RIMS2: variants seen among roughly 807,000 people sequenced by gnomAD.
RIMS2 encodes regulating synaptic membrane exocytosis 2.
In RIMS2, 59 loss-of-function variants were observed where a neutral mutation model predicts 174.4. The observed-to-expected ratio is 0.34, with a 90% confidence interval of 0.27 to 0.42. The LOEUF (loss-of-function observed/expected upper bound fraction) is 0.42. Ranked by LOEUF, RIMS2 falls within the 10% of genes least tolerant of loss-of-function variation. The probability of loss-of-function intolerance (pLI) is 1.00; values close to 1 mark genes in which losing one functional copy is unlikely to be tolerated. For missense variants in RIMS2, 1,620 were observed against 1,666.3 expected (o/e 0.97, Z 0.48); for synonymous variants, 606 against 572.5 (o/e 1.06, Z -0.84).
chr8:103,539,926 G>T (rs1410713921), intron 1 of RIMS2, among the ~76,000 whole-genome samples: 2 of 152,234 alleles, frequency 1.3e-5, no homozygotes, highest in African/African-American at 4.8e-5. Flanking sequence ...CTCTTGCTGT[G>T]CATGCCAATG....
intron 17 of RIMS2, chr8:103,998,048 C>A: frequency 1.7e-6 from 1 of 602,494 alleles, no homozygotes; most frequent in Non-Finnish European, 2.9e-6. Flanking sequence ...AGGGGGCAAG[C>A]TTTCCAATAA....
chr8:103,729,245 T>C (rs2097563191), intron 2 of RIMS2, among the ~76,000 whole-genome samples: 1 of 152,160 alleles, frequency 6.6e-6, no homozygotes, highest in Non-Finnish European at 1.5e-5. Flanking sequence ...ATGGCTTTGA[T>C]CTCATTACTT....
At chr8:103,841,520 T>C (rs973159955) in intron 3 of RIMS2, among the ~76,000 whole-genome samples, 1 of 152,214 alleles carries the variant, frequency 6.6e-6, no homozygotes, top group African/African-American at 2.4e-5. Context: ...AGCCTGATAG[T>C]ACTGTCCAAT....
intron 4 of RIMS2, among the ~76,000 whole-genome samples, chr8:103,887,541 T>C (rs988243031): frequency 1.3e-4 from 19 of 151,636 alleles, no homozygotes; most frequent in African/African-American, 4.3e-4. Context: ...TTTTTAACAT[T>C]CTGGAATTTA....
chr8:104,000,505 T>A (rs2095337394), intron 17 of RIMS2, among the ~76,000 whole-genome samples: 1 of 151,846 alleles, frequency 6.6e-6, no homozygotes, highest in African/African-American at 2.4e-5. Flanking sequence ...TTGTAAATAG[T>A]GCTGCAGTAA....
At chr8:104,216,944 A>C (rs2099132520) in intron 19 of RIMS2, among the ~76,000 whole-genome samples, 1 of 152,224 alleles carries the variant, frequency 6.6e-6, no homozygotes, top group Non-Finnish European at 1.5e-5. Flanking sequence ...AGTGTTTATG[A>C]AAATTAAATG....
chr8:103,519,733 C>T (rs990857537), intron 1 of RIMS2, among the ~76,000 whole-genome samples: 93 of 131,386 alleles, frequency 7.1e-4, no homozygotes, highest in African/African-American at 2.4e-3. Flanking sequence ...GGCTTTACTA[C>T]TTTTTTTTTT....
At chr8:103,760,875 A>G (rs2098104678) in intron 2 of RIMS2, among the ~76,000 whole-genome samples, 1 of 152,246 alleles carries the variant, frequency 6.6e-6, no homozygotes, top group South Asian at 2.1e-4. Flanking sequence ...AATATTGTAT[A>G]AGTAAATAAA....
chr8:104,086,266 G>GTTT (rs377670155), intron 19 of RIMS2, among the ~76,000 whole-genome samples: 45 of 112,908 alleles, frequency 4.0e-4, no homozygotes, highest in African/African-American at 1.1e-3. Context: ...GTTCTGGTGG[G>GTTT]TTTTTTTTTT....
chr8:103,821,712 T>C (rs2098752960), intron 3 of RIMS2, among the ~76,000 whole-genome samples: 1 of 151,690 alleles, frequency 6.6e-6, no homozygotes, highest in South Asian at 2.1e-4. Flanking sequence ...TATATTCTTT[T>C]AAACAATATA....
intron 1 of RIMS2, among the ~76,000 whole-genome samples, chr8:103,597,240 G>A (rs2094513196): frequency 6.6e-6 from 1 of 152,124 alleles, no homozygotes; most frequent in African/African-American, 2.4e-5. Flanking sequence ...AGTTTTAGCT[G>A]CATATAAAGT....
chr8:104,034,825 A>C (rs1296993015), intron 19 of RIMS2, among the ~76,000 whole-genome samples: 1 of 152,168 alleles, frequency 6.6e-6, no homozygotes, highest in African/African-American at 2.4e-5. Context: ...ATCACTGGGA[A>C]ATGTAATATT....
At chr8:103,765,581 T>A (rs1191292596) in intron 2 of RIMS2, among the ~76,000 whole-genome samples, 1 of 152,152 alleles carries the variant, frequency 6.6e-6, no homozygotes, top group Admixed American at 6.6e-5. Context: ...TTAATTGGTT[T>A]TTTATAGAGG....
intron 2 of RIMS2, among the ~76,000 whole-genome samples, chr8:103,756,309 G>T (rs1265523158): frequency 2.0e-5 from 3 of 151,684 alleles, no homozygotes; most frequent in African/African-American, 7.3e-5. Flanking sequence ...ATCCCACTGG[G>T]AGCTGCAGAC....
chr8:104,086,951 A>T (rs922663998), intron 19 of RIMS2, among the ~76,000 whole-genome samples: 1 of 152,160 alleles, frequency 6.6e-6, no homozygotes, highest in East Asian at 1.9e-4. Flanking sequence ...TTCAGTGACC[A>T]CTTGGTAACT....
chr8:103,892,659 A>G (rs1028479348), intron 4 of RIMS2, among the ~76,000 whole-genome samples: 1 of 152,130 alleles, frequency 6.6e-6, no homozygotes, highest in Non-Finnish European at 1.5e-5. Context: ...ACCCTTGAAT[A>G]AAAAGGACTC....
chr8:103,564,821 T>A (rs1414932715), intron 1 of RIMS2, among the ~76,000 whole-genome samples: 2 of 152,188 alleles, frequency 1.3e-5, no homozygotes, highest in African/African-American at 4.8e-5. Context: ...CCCTCACAGA[T>A]ACCCAGGAAC....
At chr8:103,685,361 AAAC>A (rs767644093) in intron 1 of RIMS2, among the ~76,000 whole-genome samples, 1 of 152,014 alleles carries the variant, frequency 6.6e-6, no homozygotes, top group Non-Finnish European at 1.5e-5. Context: ...AAACTTTTTA[AAAC>A]AACTAGTTCT....
At chr8:104,043,946 A>G (rs974575078) in intron 19 of RIMS2, among the ~76,000 whole-genome samples, 1 of 151,680 alleles carries the variant, frequency 6.6e-6, no homozygotes, top group Non-Finnish European at 1.5e-5. Context: ...TAAAAGGCAT[A>G]GACTTCACAT....
Sources: gnomAD v4.1 joint callset for allele counts (sites outside exome capture counted in the v4.1 genomes callset) on GRCh38, gnomAD v4.1.1 for gene constraint, MANE v1.5 for transcripts, NCBI Gene and HGNC (gene_info 2026-07-23, HGNC 2026-07-21) for gene names.